Variants in AHDC1 observed in about 807,000 individuals in gnomAD.
AHDC1 encodes transcription factor Gibbin.
AHDC1 carries 7 observed loss-of-function variants against 87.9 expected under a neutral mutation model. The ratio of observed to expected loss-of-function variants is 0.08; its 90% CI spans 0.05 to 0.15. The LOEUF (loss-of-function observed/expected upper bound fraction) is 0.15, where lower values mean the gene tolerates loss of function less well. Ranked by LOEUF, AHDC1 falls within the 10% of genes least tolerant of loss-of-function variation. The pLI is 1.00. For missense variants in AHDC1, 1,841 were observed against 2,253.2 expected, an observed-to-expected ratio of 0.82 and a Z score of 3.70; for synonymous variants, 1,051 against 1,006.8, an observed-to-expected ratio of 1.04 and a Z score of -0.83.
At chr1:27,559,019 AT>A (rs2019947711) in intron 3 of AHDC1, 136 bp from the exon 4 acceptor site, 1 of 396,714 alleles carries the variant, frequency 2.5e-6, no homozygotes, top group South Asian at 1.4e-4. Context: ...TCATCGCATT[AT>A]CCCACCTGGG....
intron 3 of AHDC1, among the ~76,000 whole-genome samples, chr1:27,576,067 C>T (rs2088733447): frequency 6.6e-6 from 1 of 152,034 alleles, no homozygotes; most frequent in Non-Finnish European, 1.5e-5. Flanking sequence ...GGCAGTGGCT[C>T]CAGGGCGCCC....
chr1:27,599,383 G>A (rs144893863), intron 3 of AHDC1, among the ~76,000 whole-genome samples: 5 of 151,960 alleles, frequency 3.3e-5, no homozygotes, highest in East Asian at 1.9e-4. Context: ...TCTCTCTCCC[G>A]GCAGCAGCGG....
chr1:27,575,984 G>A (rs990882049), intron 3 of AHDC1, among the ~76,000 whole-genome samples: 6 of 152,084 alleles, frequency 3.9e-5, no homozygotes, highest in Non-Finnish European at 7.4e-5. Context: ...GACTGGAGGC[G>A]CCCGGCAGCG....
chr1:27,550,265 G>A lies in AHDC1; in HGVS notation c.1851C>T (p.Ala617=). 6.2e-7 allele frequency: 1 copy of A among 1,613,976 alleles called. No homozygotes were observed. Reference sequence around the variant, plus strand: ...TCTGGCGGTTCAGGAAGGCCAGCTTGGCCAGGACGTCTGAGTACTCGGCCT... The same window carrying A: ...TCTGGCGGTTCAGGAAGGCCAGCTTAGCCAGGACGTCTGAGTACTCGGCCT... ...DSKAEYSDVL[A]KLAFLNRQSQ... The change falls in exon 8 of 9, where the codon GCC becomes GCT. Residue 617 remains alanine (A), a synonymous_variant. Coordinates refer to ENST00000673934, the MANE Select transcript of AHDC1 (RefSeq NM_001371928.1).
Position 27,551,056 on chromosome 1 carries a change from G to T in AHDC1, c.1060C>A (p.Leu354Met). 1 of 1,557,230 alleles carries T rather than the reference G, an allele frequency of 6.4e-7. No homozygotes were observed. The highest frequency in any genetic ancestry group is 8.7e-7 in the Non-Finnish European group (1 of 1,153,676). Residue 354 changes from leucine to methionine, a missense_variant, in exon 8 of 9, where the codon CTG becomes ATG. Coordinates refer to ENST00000673934, the MANE Select transcript of AHDC1 (RefSeq NM_001371928.1). ...GGCTCGGCCAGTGGGCAGTGCCCCAGGGGCTGCTGGGGCTCCAGACGGCGA... is the reference window on the plus strand; with the variant it reads ...GGCTCGGCCAGTGGGCAGTGCCCCATGGGCTGCTGGGGCTCCAGACGGCGA... The part of the protein sequence containing the change: ...PGRRLEPQQP[L>M]GHCPLAEPLR...
chr1:27,552,074 G>T lies in AHDC1; in HGVS notation c.42C>A (p.Ala14=), dbSNP rs1003330765. ...GGAGGTAGTCAGGAGAGCTGCACAC[G>T]GCACTGGAAGTCACCACCAGGCCCT... The part of the protein sequence containing the change: ...KPQGLVVTSS[A]VCSSPDYLRE... The change falls in exon 8 of 9, where the codon GCC becomes GCA. Residue 14 remains alanine, a synonymous_variant. Transcript: ENST00000673934. The T allele has an allele frequency of 6.0e-5, 89 of 1,490,416 alleles. No individual in the cohort carries two copies. The highest frequency in any genetic ancestry group is 7.3e-5 in the Non-Finnish European group (82 of 1,120,848). 92.3% of individuals were successfully genotyped at this position (1,490,416 alleles called of 1,614,324 possible).
At chr1:27,564,090 C>T (rs2020217713) in intron 3 of AHDC1, among the ~76,000 whole-genome samples, 1 of 152,208 alleles carries the variant, frequency 6.6e-6, no homozygotes, top group South Asian at 2.1e-4. Context: ...AAGGCCCCCT[C>T]TCCAAACTTC....
chr1:27,569,242 G>C (rs1002907264), intron 3 of AHDC1, among the ~76,000 whole-genome samples: 1 of 152,110 alleles, frequency 6.6e-6, no homozygotes, highest in African/African-American at 2.4e-5. Context: ...GCTCCACACT[G>C]TGTGTGACCT....
At chr1:27,603,656 C>G (rs1384702592) in intron 2 of AHDC1, 72 bp downstream of exon 2, 1 of 150,420 alleles carries the variant, frequency 6.6e-6, no homozygotes, top group Non-Finnish European at 1.5e-5. Flanking sequence ...TCTGCGCCCC[C>G]CTCGCCCTCC....
At chr1:27,570,516 C>T (rs971074104) in intron 3 of AHDC1, among the ~76,000 whole-genome samples, 4 of 152,090 alleles carry the variant, frequency 2.6e-5, no homozygotes, top group Non-Finnish European at 5.9e-5. Flanking sequence ...CAGCTTGATC[C>T]GTACCCTAGA....
At chr1:27,537,376 G>A (rs1203958074) in intron 8 of AHDC1, among the ~76,000 whole-genome samples, 2 of 152,182 alleles carry the variant, frequency 1.3e-5, no homozygotes, top group Non-Finnish European at 2.9e-5. Context: ...AGGGAGACAG[G>A]GGCTGTGCCA....
rs762580651 is a variant in AHDC1, at chr1:27,551,303, C to T, written c.813G>A (p.Pro271=). The change falls in exon 8 of 9, where the codon CCG becomes CCA. Residue 271 remains proline, a synonymous_variant. Coordinates refer to ENST00000673934, the MANE Select transcript of AHDC1 (RefSeq NM_001371928.1). ...GCTGGGGGTCCAGGAGCTGAGGCTC[C>T]GGCTCGGGCGATGGTGGCTCGAGGG... ...AQALEPPSPE[P]EPQLLDPQPR... is the part of the protein sequence containing the mutation. The T allele has an allele frequency of 1.7e-5, 27 of 1,611,306 alleles. No homozygotes were observed. In the Middle Eastern group the frequency reaches 4.9e-4, roughly 29 times the overall value.
Position 27,547,538 on chromosome 1 carries a change from G to A in AHDC1, c.4578C>T (p.Gly1526=), listed in dbSNP as rs1571224948. Residue 1526 remains glycine, a synonymous_variant, in exon 8 of 9, where the codon GGC becomes GGT. Coordinates refer to ENST00000673934, the MANE Select transcript of AHDC1 (RefSeq NM_001371928.1). The surrounding 1 kb of genome is among the most constrained non-coding windows in gnomAD (Gnocchi z 4.9). ...KEPLEMARPP[G]PPRGPAAAAA... ...CGGCTGCAGCAGGGCCACGGGGTGGGCCAGGGGGCCGGGCCATTTCCAGTG... is the reference window on the plus strand; with the variant it reads ...CGGCTGCAGCAGGGCCACGGGGTGGACCAGGGGGCCGGGCCATTTCCAGTG... 1 of 1,611,222 alleles carries A rather than the reference G, an allele frequency of 6.2e-7. No homozygotes were observed. The highest frequency in any genetic ancestry group is 8.5e-7 in the Non-Finnish European group (1 of 1,179,022).
intron 3 of AHDC1, among the ~76,000 whole-genome samples, chr1:27,568,993 G>A (rs1399462542): frequency 2.0e-5 from 3 of 152,020 alleles, no homozygotes. Flanking sequence ...GGGGGCTGGC[G>A]AAAGCCCCAG....
Position 27,551,471 on chromosome 1 carries a change from A to G in AHDC1, c.645T>C (p.Ser215=), listed in dbSNP as rs777509926. 6.2e-7 allele frequency: 1 copy of G among 1,610,042 alleles called. No individual in the cohort carries two copies. Among genetic ancestry groups the G allele is most frequent in the Non-Finnish European group, 8.5e-7 (1 of 1,178,738 alleles). The change falls in exon 8 of 9, where the codon AGT becomes AGC. Residue 215 remains serine (S), a synonymous_variant. Transcript: ENST00000673934. ...RDSPQPGQGH[S]PGATAAATGL... ...CCGTGGCCGCAGCCGTGGCTCCGGG[A>G]CTATGGCCTTGGCCAGGCTGGGGAC... is the stretch of plus-strand genomic sequence containing the variant.
At chr1:27,584,188 C>T (rs1004439363) in intron 3 of AHDC1, among the ~76,000 whole-genome samples, 3 of 152,212 alleles carry the variant, frequency 2.0e-5, no homozygotes, top group Non-Finnish European at 4.4e-5. Context: ...AAACCCAAGC[C>T]GTCTGACTCC....
At chr1:27,542,445 C>T (rs1053680472) in intron 8 of AHDC1, among the ~76,000 whole-genome samples, 18 of 152,170 alleles carry the variant, frequency 1.2e-4, no homozygotes, top group Non-Finnish European at 2.4e-4. Context: ...GTACAAGAGG[C>T]GAGGGTTGGA....
chr1:27,557,021 C>G (rs2019849173), intron 5 of AHDC1, among the ~76,000 whole-genome samples: 1 of 148,210 alleles, frequency 6.7e-6, no homozygotes, highest in East Asian at 2.0e-4. Flanking sequence ...GCACACCCCA[C>G]CCCACCCTAC....
intron 3 of AHDC1, among the ~76,000 whole-genome samples, chr1:27,576,449 C>T (rs1372043025): frequency 6.6e-6 from 1 of 152,216 alleles, no homozygotes; most frequent in East Asian, 1.9e-4. Context: ...CACAGGGCAC[C>T]TGCCCTGCAT....
Sources: allele counts gnomAD v4.1 joint callset (sites outside exome capture counted in the v4.1 genomes callset), GRCh38; gene constraint gnomAD v4.1.1; non-coding constraint Gnocchi (gnomAD v3.1); transcripts MANE v1.5; gene names NCBI Gene and HGNC (gene_info 2026-07-23, HGNC 2026-07-21).